Variants in CELF3 observed in about 807,000 individuals in gnomAD.
CELF3 encodes CUGBP Elav-like family member 3.
In CELF3, 26 loss-of-function variants were observed where a neutral mutation model predicts 59.6. The ratio of observed to expected loss-of-function variants is 0.44; its 90% CI spans 0.32 to 0.61. The LOEUF is 0.61. Ranked by LOEUF, CELF3 falls within the 20% of genes least tolerant of loss-of-function variation. The probability of loss-of-function intolerance (pLI) is 0.06; values close to 1 mark genes in which losing one functional copy is unlikely to be tolerated. For synonymous variants in CELF3, 245 were observed against 250.7 expected (o/e 0.98, Z 0.22); for missense variants, 387 against 627.2 (o/e 0.62, Z 4.09).
At chr1:151,704,538 C>T (rs2489892) in intron 12 of CELF3, among the ~76,000 whole-genome samples, 63,680 of 151,950 alleles carry the variant, frequency 0.42, 14,358 homozygotes, top group East Asian at 0.62. Flanking sequence ...GGAAAAATCA[C>T]CTGAAGTCCA....
chr1:151,706,165 C>T (rs1308151), intron 10 of CELF3, 59 bp downstream of exon 10: 62,877 of 1,610,252 alleles, frequency 0.039, 6,409 homozygotes, highest in East Asian at 0.31. Flanking sequence ...CGCGGGGTGA[C>T]AGGGAGTCCC....
chr1:151,714,834 C>A (rs1342235456), intron 1 of CELF3, among the ~76,000 whole-genome samples, 158 bp from the exon 2 acceptor site: 1 of 152,044 alleles, frequency 6.6e-6, no homozygotes, highest in Non-Finnish European at 1.5e-5. Flanking sequence ...GGTAGACTCT[C>A]TGCCCCAGAA....
Position 151,702,435 on chromosome 1 carries a change from A to G in CELF3, c.*1024T>C, listed in dbSNP as rs1412705778. The G allele has an allele frequency of 6.6e-6, 1 of 152,190 alleles. No homozygotes were observed. Among genetic ancestry groups the G allele is most frequent in the South Asian group, 2.1e-4 (1 of 4,834 alleles). The allele number at this position is 152,190 out of a possible 1,614,324, so 9.4% of individuals were successfully genotyped here. A position where few individuals can be genotyped will look rare whatever the true frequency, so the allele number is the denominator to read the frequency against. ...TAAACTTTTTTCTTTATTTAGACAG[A>G]AAAGACCAACTCTTTAAAAGTAAAA... On this transcript the variant is annotated 3_prime_UTR_variant, in exon 13 of 13. Coordinates refer to ENST00000290583, the MANE Select transcript of CELF3 (RefSeq NM_007185.7).
Position 151,705,787 on chromosome 1 carries a change from A to C in CELF3, c.1270+35T>G. 1.2e-6 allele frequency: 2 copies of C among 1,609,510 alleles called. No homozygotes were observed. Among genetic ancestry groups the C allele is most frequent in the African/African-American group, 2.7e-5 (2 of 74,936 alleles). On this transcript the variant is annotated intron_variant, in intron 11 of 12. Transcript: ENST00000290583. The surrounding 1 kb of genome is among the most constrained non-coding windows in gnomAD (Gnocchi z 5.1). ...TATATTAGACCTTGTCCTGATTTGGAGTATGGCAAAAAATGTGCCATATCA... is the reference window on the plus strand; with the variant it reads ...TATATTAGACCTTGTCCTGATTTGGCGTATGGCAAAAAATGTGCCATATCA...
At chr1:151,714,736 T>C (rs1352786823) in intron 1 of CELF3, 60 bp from the exon 2 acceptor site, 10 of 1,194,792 alleles carry the variant, frequency 8.4e-6, no homozygotes, top group Non-Finnish European at 1.2e-5. Context: ...CTCCCCTCTC[T>C]GAAAGGCTCC....
At position 151,709,098 on chromosome 1, in the gene CELF3, G is replaced by A; in HGVS notation, c.407-21C>T. 1 of 1,612,936 alleles carries A rather than the reference G, an allele frequency of 6.2e-7. No homozygotes were observed. ...GCAGCCTGGAGAGGTTGAGATGGAG[G>A]AGGAGAGGGGTAAGCACCCATCCCT... On this transcript the variant is annotated intron_variant, in intron 4 of 12. Coordinates refer to ENST00000290583, the MANE Select transcript of CELF3 (RefSeq NM_007185.7). This position sits in a 1 kb window ranked among gnomAD's most constrained non-coding sequence, Gnocchi z 4.9.
intron 10 of CELF3, 116 bp from the exon 11 acceptor site, chr1:151,706,081 A>AC: frequency 6.3e-7 from 1 of 1,589,352 alleles, no homozygotes; most frequent in Non-Finnish European, 8.6e-7. Flanking sequence ...AGTCCTTGAC[A>AC]GTGTGGGCCA....
intron 2 of CELF3, among the ~76,000 whole-genome samples, chr1:151,713,099 C>T (rs933755631): frequency 6.6e-6 from 1 of 152,240 alleles, no homozygotes; most frequent in African/African-American, 2.4e-5. Flanking sequence ...ATGGAACCCT[C>T]ATTTCCTACT....
chr1:151,705,369 TC>T lies in CELF3; in HGVS notation c.1271-202del, dbSNP rs1191528452. On this transcript the variant is annotated intron_variant, in intron 11 of 12. Transcript: ENST00000290583. This position sits in a 1 kb window ranked among gnomAD's most constrained non-coding sequence, Gnocchi z 5.1. ...CCAGCCACTCCAACTACCACATTCT[TC>T]CCAGCATTCTGTGCCAGTGACCCCT... 6.6e-6 allele frequency among the ~76,000 whole-genome samples: 1 copy of T among 152,180 alleles called. No individual in the cohort carries two copies. Among genetic ancestry groups the T allele is most frequent in the Non-Finnish European group, 1.5e-5 (1 of 68,028 alleles).
chr1:151,716,220 G>A lies in CELF3; in HGVS notation c.-200C>T, dbSNP rs1392951932. The A allele has an allele frequency of 1.7e-5, 9 of 541,824 alleles. No homozygotes were observed. Among genetic ancestry groups the A allele is most frequent in the Admixed American group, 9.8e-5 (3 of 30,562 alleles). 33.6% of individuals were successfully genotyped at this position (541,824 alleles called of 1,614,324 possible). A position where few individuals can be genotyped will look rare whatever the true frequency, so the allele number is the denominator to read the frequency against. On this transcript the variant is annotated 5_prime_UTR_variant, in exon 1 of 13. Coordinates refer to ENST00000290583, the MANE Select transcript of CELF3 (RefSeq NM_007185.7). ...CAGGGAGTTGAGTGCTAGGGGTCAG[G>A]GGTCTAGGCAGACGCTGTCATGCCA...
chr1:151,716,214 G>T lies in CELF3; in HGVS notation c.-194C>A, dbSNP rs1007406863. On this transcript the variant is annotated 5_prime_UTR_variant, in exon 1 of 13. Transcript: ENST00000290583. Reference sequence around the variant, plus strand: ...GAGGCCCAGGGAGTTGAGTGCTAGGGGTCAGGGGTCTAGGCAGACGCTGTC... The same window carrying T: ...GAGGCCCAGGGAGTTGAGTGCTAGGTGTCAGGGGTCTAGGCAGACGCTGTC... 1.0e-5 allele frequency: 6 copies of T among 572,132 alleles called. No homozygotes were observed. In the Admixed American group the frequency reaches 1.6e-4, roughly 15 times the overall value. 35.4% of individuals were successfully genotyped at this position (572,132 alleles called of 1,614,324 possible).
At chr1:151,704,885 C>CA in intron 12 of CELF3, 146 bp downstream of exon 12, 2 of 779,366 alleles carry the variant, frequency 2.6e-6, no homozygotes, top group South Asian at 4.2e-5. Context: ...GCTGCCCCAG[C>CA]CCCCTGCTTC....
At chr1:151,714,133 C>T (rs1415282851) in intron 2 of CELF3, among the ~76,000 whole-genome samples, 1 of 152,196 alleles carries the variant, frequency 6.6e-6, no homozygotes, top group African/African-American at 2.4e-5. Context: ...CAAGAACCAG[C>T]ACCGAGATGC....
chr1:151,704,406 C>G (rs1672338631), intron 12 of CELF3, among the ~76,000 whole-genome samples: 1 of 152,142 alleles, frequency 6.6e-6, no homozygotes, highest in Admixed American at 6.5e-5. Flanking sequence ...AAGTAAACTT[C>G]ACAGGCGGCG....
intron 12 of CELF3, 62 bp from the exon 13 acceptor site, chr1:151,703,510 C>G (rs1204614897): frequency 4.4e-5 from 14 of 317,234 alleles, no homozygotes; most frequent in Admixed American, 1.6e-4. Context: ...ATCACGGGCT[C>G]TGGGGGAGGG....
intron 2 of CELF3, among the ~76,000 whole-genome samples, chr1:151,713,045 G>A (rs545925753): frequency 1.3e-5 from 2 of 152,310 alleles, no homozygotes; most frequent in African/African-American, 4.8e-5. Context: ...AACTGCCCTG[G>A]GTCTGTTCCT....
intron 1 of CELF3, chr1:151,715,649 C>A (rs750743918): frequency 7.3e-6 from 11 of 1,503,752 alleles, no homozygotes; most frequent in African/African-American, 1.4e-5. Flanking sequence ...TCTTTGCAGC[C>A]GTCTTGACAA....
At chr1:151,707,985 C>T (rs1672718440) in intron 5 of CELF3, 50 bp from the exon 6 acceptor site, 1 of 1,560,392 alleles carries the variant, frequency 6.4e-7, no homozygotes, top group Non-Finnish European at 8.7e-7. Context: ...AGGGTCTCTC[C>T]TCCCCAAAGC....
intron 2 of CELF3, chr1:151,710,456 C>T (rs1457237824): frequency 1.5e-5 from 5 of 332,224 alleles, no homozygotes; most frequent in Non-Finnish European, 2.4e-5. Flanking sequence ...CTCCACACAC[C>T]CAGAGAAGGA....
Sources: allele counts gnomAD v4.1 joint callset (sites outside exome capture counted in the v4.1 genomes callset), GRCh38; gene constraint gnomAD v4.1.1; non-coding constraint Gnocchi (gnomAD v3.1); transcripts MANE v1.5; gene names NCBI Gene and HGNC (gene_info 2026-07-23, HGNC 2026-07-21).